The following AOAH variants were observed in gnomAD, a reference collection of about 807,000 sequenced individuals.
The protein encoded by AOAH is acyloxyacyl hydrolase (neutrophil).
AOAH carries 64 observed loss-of-function variants against 92.2 expected under a neutral mutation model. The ratio of observed to expected loss-of-function variants is 0.69; its 90% CI spans 0.57 to 0.86. The LOEUF is 0.86. Ranked by LOEUF, AOAH falls within the 40% of genes least tolerant of loss-of-function variation. AOAH has a pLI of 0.00. For synonymous variants in AOAH, 263 were observed against 254.5 expected (o/e 1.03, Z -0.32); for missense variants, 656 against 694.6 (o/e 0.94, Z 0.62).
intron 1 of AOAH, among the ~76,000 whole-genome samples, chr7:36,719,049 G>C (rs1290956489): frequency 6.6e-6 from 1 of 152,162 alleles, no homozygotes; most frequent in Non-Finnish European, 1.5e-5. Flanking sequence ...AATAAGCCAA[G>C]TTTTAACTAA....
chr7:36,643,987 T>C (rs1794077867), intron 4 of AOAH, among the ~76,000 whole-genome samples: 2 of 152,216 alleles, frequency 1.3e-5, no homozygotes, highest in African/African-American at 2.4e-5. Flanking sequence ...AAATTACCTA[T>C]TTCAAGTATC....
At chr7:36,668,091 T>C (rs1795659045) in intron 3 of AOAH, among the ~76,000 whole-genome samples, 2 of 152,210 alleles carry the variant, frequency 1.3e-5, no homozygotes, top group African/African-American at 4.8e-5. Flanking sequence ...TTGTTACTGT[T>C]TTTTATTTGT....
chr7:36,521,990 C>T, intron 20 of AOAH, 49 bp downstream of exon 20: 1 of 1,513,686 alleles, frequency 6.6e-7, no homozygotes, highest in Non-Finnish European at 9.2e-7. Context: ...AATTAAAAAC[C>T]AACAAACCAT....
chr7:36,562,615 G>A (rs1787355777), intron 13 of AOAH, among the ~76,000 whole-genome samples: 1 of 152,150 alleles, frequency 6.6e-6, no homozygotes, highest in East Asian at 1.9e-4. Flanking sequence ...ATTGAAAGAA[G>A]AGAAAGGTTT....
chr7:36,690,079 C>T, intron 1 of AOAH: 1 of 402,130 alleles, frequency 2.5e-6, no homozygotes, highest in Middle Eastern at 4.3e-4. Flanking sequence ...TGAAACCAGC[C>T]TGCTTCTTTG....
At chr7:36,621,977 C>T (rs1792313884) in intron 7 of AOAH, among the ~76,000 whole-genome samples, 197 bp from the exon 8 acceptor site, 1 of 151,982 alleles carries the variant, frequency 6.6e-6, no homozygotes, top group Non-Finnish European at 1.5e-5. Context: ...TAATATAACA[C>T]TAGGGCCAAT....
intron 12 of AOAH, among the ~76,000 whole-genome samples, chr7:36,586,375 G>C (rs1367940487): frequency 1.3e-5 from 2 of 152,076 alleles, no homozygotes. Flanking sequence ...TCCCTGTCTT[G>C]CACACCCAGT....
chr7:36,635,167 C>T (rs535819450), intron 5 of AOAH, among the ~76,000 whole-genome samples: 1 of 152,294 alleles, frequency 6.6e-6, no homozygotes, highest in African/African-American at 2.4e-5. Context: ...AAAATGTGGG[C>T]TGTTATTAAC....
intron 7 of AOAH, among the ~76,000 whole-genome samples, chr7:36,622,560 A>AACGC (rs1792356968): frequency 6.7e-6 from 1 of 149,782 alleles, no homozygotes; most frequent in African/African-American, 2.4e-5. Context: ...TTCTGAATCA[A>AACGC]ACGCACACAC....
At position 36,540,203 on chromosome 7, in the gene AOAH, G is replaced by T. The variant is rs142768342; in HGVS notation, c.1306+116C>A. ...AGGGGCTCTTGCCTTTATCAACCCT[G>T]ACCCATGTTCCATGATGGCATTTTA... On this transcript the variant is annotated intron_variant, in intron 16 of 20. Transcript: ENST00000617537. 1.3e-3 allele frequency: 1,289 copies of T among 1,015,574 alleles called. 7 individuals are homozygous for T. The highest frequency in any genetic ancestry group is 0.011 in the African/African-American group (702 of 61,070). The allele number at this position is 1,015,574 out of a possible 1,614,324, so 62.9% of individuals were successfully genotyped here.
intron 1 of AOAH, among the ~76,000 whole-genome samples, chr7:36,694,914 T>C (rs1353090935): frequency 6.7e-6 from 1 of 150,170 alleles, no homozygotes; most frequent in Non-Finnish European, 1.5e-5. Flanking sequence ...ATGGAATGGA[T>C]ATATAGGTAA....
At chr7:36,575,367 C>T (rs193105116) in intron 13 of AOAH, among the ~76,000 whole-genome samples, 8 of 152,258 alleles carry the variant, frequency 5.3e-5, no homozygotes, top group African/African-American at 1.9e-4. Flanking sequence ...CTTGGTTTCT[C>T]CATGCCTCCA....
chr7:36,563,020 G>A (rs1249059650), intron 13 of AOAH, among the ~76,000 whole-genome samples: 3 of 151,350 alleles, frequency 2.0e-5, no homozygotes, highest in Admixed American at 6.6e-5. Flanking sequence ...GGTGGCAGGC[G>A]CCTGTAATCC....
At chr7:36,517,230 C>CTTTT (rs1205876365) in intron 20 of AOAH, among the ~76,000 whole-genome samples, 3 of 83,100 alleles carry the variant, frequency 3.6e-5, no homozygotes, top group Non-Finnish European at 2.4e-5. Context: ...CTTTCTGTCT[C>CTTTT]TCTCTCTCTC....
chr7:36,540,449 G>C lies in AOAH; in HGVS notation c.1176C>G (p.Leu392=). Residue 392 remains leucine, a synonymous_variant, in exon 16 of 21, where the codon CTC becomes CTG. Transcript: ENST00000617537. ...PVPAMTTPEK[L]YSNVMQTLKH... is the part of the protein sequence containing the mutation. ...TCAGAGTCTGCATGACGTTGGAGTA[G>C]AGTTTCTCAGGAGTGGTCATGGCTG... 1 of 1,614,040 alleles carries C rather than the reference G, an allele frequency of 6.2e-7. No individual in the cohort carries two copies. Among genetic ancestry groups the C allele is most frequent in the Non-Finnish European group, 8.5e-7 (1 of 1,179,940 alleles).
chr7:36,673,606 G>C (rs930827358), intron 3 of AOAH, among the ~76,000 whole-genome samples: 4 of 152,160 alleles, frequency 2.6e-5, no homozygotes, highest in Non-Finnish European at 4.4e-5. Context: ...CGAGGAGCAA[G>C]GGCTGGGAGT....
intron 1 of AOAH, among the ~76,000 whole-genome samples, chr7:36,717,068 T>G (rs1799249877): frequency 6.6e-6 from 1 of 152,178 alleles, no homozygotes; most frequent in Non-Finnish European, 1.5e-5. Context: ...TGGGACATAC[T>G]GTTCAGTGCT....
intron 5 of AOAH, among the ~76,000 whole-genome samples, chr7:36,635,188 A>T (rs1027145027): frequency 2.6e-5 from 4 of 152,228 alleles, no homozygotes; most frequent in African/African-American, 9.6e-5. Flanking sequence ...TCAGCAATAC[A>T]TTTAAAATAT....
intron 8 of AOAH, among the ~76,000 whole-genome samples, chr7:36,621,086 G>T (rs1792246464): frequency 6.6e-6 from 1 of 152,148 alleles, no homozygotes; most frequent in African/African-American, 2.4e-5. Flanking sequence ...TTTCATCATT[G>T]ACTATATTCA....
Sources: allele counts gnomAD v4.1 joint callset (sites outside exome capture counted in the v4.1 genomes callset), GRCh38; gene constraint gnomAD v4.1.1; transcripts MANE v1.5; gene names NCBI Gene and HGNC (gene_info 2026-07-23, HGNC 2026-07-21).